SPDYE3: variants seen among roughly 807,000 people sequenced by gnomAD.
SPDYE3 encodes the protein speedy protein E3.
SPDYE3 carries 15 observed loss-of-function variants against 55.0 expected under a neutral mutation model. The observed-to-expected ratio is 0.27, with a 90% CI of 0.18 to 0.42. The LOEUF (loss-of-function observed/expected upper bound fraction) is 0.42. Ranked by LOEUF, SPDYE3 falls within the 10% of genes least tolerant of loss-of-function variation. The pLI is 1.00. For missense variants in SPDYE3, 236 were observed against 576.7 expected (o/e 0.41, Z 6.05); for synonymous variants, 89 against 229.9 (o/e 0.39, Z 5.55).
At position 100,307,952 on chromosome 7, in the gene SPDYE3, C is replaced by A; in HGVS notation, c.67C>A (p.Leu23Ile). 2 of 1,570,648 alleles carry A rather than the reference C, an allele frequency of 1.3e-6. No homozygotes were observed. The highest frequency in any genetic ancestry group is 1.7e-6 in the Non-Finnish European group (2 of 1,166,792). The stretch of plus-strand genomic sequence containing the variant: ...CCAGCGGAGCACCTCAGGGTACCCC[C>A]TCCAGGAGGTGGTGGATGATGAAGT... The part of the protein sequence containing the change: ...SPQRSTSGYP[L>I]QEVVDDEVSG... Residue 23 changes from leucine to isoleucine, a missense_variant, in exon 1 of 11, where the codon CTC becomes ATC. Leu to Ile is a conservative substitution (Grantham distance 5, BLOSUM62 2). Transcript: ENST00000332397.
At chr7:100,308,246 G>C (rs1273668407) in intron 1 of SPDYE3, among the ~76,000 whole-genome samples, 2 of 150,464 alleles carry the variant, frequency 1.3e-5, no homozygotes, top group South Asian at 2.1e-4. Flanking sequence ...CAGGAGAATC[G>C]CTTGAGCCTG....
intron 3 of SPDYE3, among the ~76,000 whole-genome samples, chr7:100,311,461 G>C (rs1237257721): frequency 1.5e-5 from 2 of 135,928 alleles, no homozygotes; most frequent in Non-Finnish European, 3.2e-5. Flanking sequence ...ACTCCAGCCT[G>C]GGTGACAAAG....
chr7:100,317,975 CAAAAAAAAAAA>C (rs1159920205), intron 8 of SPDYE3, among the ~76,000 whole-genome samples: 2 of 43,850 alleles, frequency 4.6e-5, no homozygotes, highest in Non-Finnish European at 1.1e-4. Flanking sequence ...GACTCCGTCT[CAAAAAAAAAAA>C]AAAAAAAAAA....
Position 100,321,634 on chromosome 7 carries a change from TC to T in SPDYE3, c.*794del, listed in dbSNP as rs1187371352. On this transcript the variant is annotated 3_prime_UTR_variant, in exon 11 of 11. Coordinates refer to ENST00000332397, the MANE Select transcript of SPDYE3 (RefSeq NM_001004351.5). ...TCTTCTATTTATAGCTATTGGTAGT[TC>T]CCCCAAATTCTGGTCATAGAAATTT... 5 of 151,580 alleles carry T rather than the reference TC, an allele frequency of 3.3e-5. No homozygotes were observed. Among genetic ancestry groups the T allele is most frequent in the African/African-American group, 4.8e-5 (2 of 41,352 alleles). 9.4% of individuals were successfully genotyped at this position (151,580 alleles called of 1,614,324 possible). A position where few individuals can be genotyped will look rare whatever the true frequency, so the allele number is the denominator to read the frequency against.
intron 7 of SPDYE3, among the ~76,000 whole-genome samples, chr7:100,316,674 C>T (rs1563094129): frequency 1.3e-5 from 2 of 152,172 alleles, no homozygotes; most frequent in African/African-American, 4.8e-5. Flanking sequence ...CCCTGCCTCT[C>T]CCATGGGTCC....
chr7:100,310,144 G>T (rs973191335), intron 2 of SPDYE3, among the ~76,000 whole-genome samples: 2 of 139,034 alleles, frequency 1.4e-5, no homozygotes, highest in Admixed American at 1.4e-4. Context: ...ACCAGGGAAC[G>T]ATATGACGCA....
In SPDYE3 at chr7:100,316,999, T is replaced by C. The variant is rs1806120468; in HGVS notation, c.1261-71T>C. ...GGGCAACCCCTCCCCAGACCCCCAT[T>C]CCACTATCTCCACAATCTTCCTCTC... is the stretch of plus-strand genomic sequence containing the variant. On this transcript the variant is annotated intron_variant, in intron 7 of 10. Coordinates refer to ENST00000332397, the MANE Select transcript of SPDYE3 (RefSeq NM_001004351.5). 3.1e-6 allele frequency: 5 copies of C among 1,594,812 alleles called. No homozygotes were observed. The Admixed American group carries it at 8.3e-5, about 27-fold the overall frequency.
Position 100,317,057 on chromosome 7 carries a change from T to C in SPDYE3, c.1261-13T>C, listed in dbSNP as rs1294704082. The C allele has an allele frequency of 6.3e-7, 1 of 1,585,592 alleles. No homozygotes were observed. Among genetic ancestry groups the C allele is most frequent in the East Asian group, 2.2e-5 (1 of 44,724 alleles). ...GTGACCTCTCCCTCTCTGTGTTCCT[T>C]TCTCTCCATCAGTATCTCCTGGCTA... On this transcript the variant is annotated splice_polypyrimidine_tract_variant and intron_variant, in intron 7 of 10. Transcript: ENST00000332397.
chr7:100,314,163 A>G (rs1584998575), intron 5 of SPDYE3, among the ~76,000 whole-genome samples: 1 of 82,824 alleles, frequency 1.2e-5, no homozygotes, highest in Admixed American at 1.2e-4. Flanking sequence ...CAGCTACCTG[A>G]GAGGCTGAGG....
intron 6 of SPDYE3, among the ~76,000 whole-genome samples, chr7:100,315,272 C>G (rs951131383): frequency 1.3e-5 from 2 of 152,042 alleles, no homozygotes; most frequent in African/African-American, 4.8e-5. Context: ...GAGCAAGACT[C>G]TGTCTCAAAA....
chr7:100,308,357 A>AAAAAGAAGAAGG (rs1293187218), intron 1 of SPDYE3, among the ~76,000 whole-genome samples: 1 of 149,526 alleles, frequency 6.7e-6, no homozygotes, highest in Non-Finnish European at 1.5e-5. Flanking sequence ...AAAGAAGAAG[A>AAAAAGAAGAAGG]AAAAAAAGAA....
intron 7 of SPDYE3, among the ~76,000 whole-genome samples, chr7:100,316,116 G>A (rs1379572237): frequency 1.3e-5 from 2 of 152,138 alleles, no homozygotes; most frequent in South Asian, 2.1e-4. Context: ...GATTACAAAC[G>A]TGAACCACCA....
chr7:100,319,975 C>T lies in SPDYE3; in HGVS notation c.1635C>T (p.Arg545=), dbSNP rs748903725. 17 of 1,608,700 alleles carry T rather than the reference C, an allele frequency of 1.1e-5. No homozygotes were observed. Among genetic ancestry groups the T allele is most frequent in the Middle Eastern group, 4.3e-4 (2 of 4,598 alleles). ...DPEHWVWARD[R]AHLS ...AGCACTGGGTGTGGGCGCGAGATCG[C>T]GCCCACCTTTCCTAGAGCTCCAGGG... Residue 545 remains arginine, a synonymous_variant, in exon 10 of 11, where the codon CGC becomes CGT. Coordinates refer to ENST00000332397, the MANE Select transcript of SPDYE3 (RefSeq NM_001004351.5).
chr7:100,320,263 A>G, intron 10 of SPDYE3: 2 of 1,129,610 alleles, frequency 1.8e-6, no homozygotes, highest in South Asian at 1.6e-5. Flanking sequence ...GGCTGCAGGG[A>G]GCCCTGATCC....
intron 2 of SPDYE3, among the ~76,000 whole-genome samples, chr7:100,309,420 C>T (rs1311554428): frequency 5.6e-5 from 7 of 125,292 alleles, no homozygotes; most frequent in South Asian, 2.6e-4. Flanking sequence ...TTGGGCCAGG[C>T]GCTGTGGCTC....
At chr7:100,315,656 C>G in intron 6 of SPDYE3, 129 bp from the exon 7 acceptor site, 1 of 1,446,880 alleles carries the variant, frequency 6.9e-7, no homozygotes, top group Admixed American at 1.7e-5. Context: ...TCTCCCCTCT[C>G]CCATCCACCT....
intron 8 of SPDYE3, 143 bp downstream of exon 8, chr7:100,317,298 G>C (rs1237942118): frequency 1.3e-6 from 2 of 1,499,020 alleles, no homozygotes; most frequent in Non-Finnish European, 1.8e-6. Flanking sequence ...TAGTATCTTA[G>C]ACTGTTGTCT....
At chr7:100,317,840 G>T (rs1452285742) in intron 8 of SPDYE3, among the ~76,000 whole-genome samples, 1 of 150,224 alleles carries the variant, frequency 6.7e-6, no homozygotes, top group Admixed American at 6.6e-5. Context: ...GCCAGGTGTG[G>T]TGGCGGGCAC....
Position 100,315,804 on chromosome 7 carries a change from A to T in SPDYE3, c.1221A>T (p.Arg407Ser), listed in dbSNP as rs1317617104. The stretch of plus-strand genomic sequence containing the variant: ...TCACAGAGGATCCTGTCATTAAAAG[A>T]TTCCTGGCCTGGGACAAAGATCTGA... ...NRLLEDPVIK[R>S]FLAWDKDLRV... The change falls in exon 7 of 11, where the codon AGA (arginine) becomes AGT (serine). Residue 407 changes from arginine (R) to serine (S), a missense_variant. By Grantham distance (110) the Arg-to-Ser change is moderately radical (BLOSUM62 -1). Coordinates refer to ENST00000332397, the MANE Select transcript of SPDYE3 (RefSeq NM_001004351.5). The T allele has an allele frequency of 6.3e-7, 1 of 1,599,740 alleles. No homozygotes were observed.
Sources: allele counts gnomAD v4.1 joint callset (sites outside exome capture counted in the v4.1 genomes callset), GRCh38; gene constraint gnomAD v4.1.1; transcripts MANE v1.5; gene names NCBI Gene and HGNC (gene_info 2026-07-23, HGNC 2026-07-21).